Variants in KCNH5 observed in about 807,000 individuals in gnomAD.
KCNH5 encodes potassium voltage-gated channel subfamily H member 5.
Under a neutral mutation model 96.1 loss-of-function variants are expected in KCNH5, and 46 were observed. That is an observed-to-expected ratio of 0.48 (90% CI 0.38 to 0.61). The LOEUF is 0.61. KCNH5 is among the 20% of genes least tolerant of loss of function. KCNH5 has a pLI of 0.00. For synonymous variants in KCNH5, 439 were observed against 449.8 expected (o/e 0.98, Z 0.30); for missense variants, 907 against 1,225.8 (o/e 0.74, Z 3.88).
chr14:62,900,981 T>TTTTTGTTTTG (rs200341541), intron 7 of KCNH5, among the ~76,000 whole-genome samples: 2 of 152,140 alleles, frequency 1.3e-5, no homozygotes, highest in African/African-American at 4.8e-5. Context: ...GCTTCCTATC[T>TTTTTGTTTTG]TTTTGTTTTG....
rs546761572 is a variant in KCNH5, at chr14:63,011,062, G to C, written c.198-4590C>G. Among the ~76,000 whole-genome samples, 18 of 152,302 alleles carry C rather than the reference G, an allele frequency of 1.2e-4. No individual in the cohort carries two copies. The South Asian group carries it at 3.5e-3, about 30-fold the overall frequency. On this transcript the variant is annotated intron_variant, in intron 2 of 10. Transcript: ENST00000322893. ...ACGCAGTTGGTAAATGTGGTCTCCA[G>C]CTCAGAAGTGGCCACAACCATAGAA... is the stretch of plus-strand genomic sequence containing the variant.
intron 1 of KCNH5, among the ~76,000 whole-genome samples, chr14:63,026,334 C>A (rs1891524062): frequency 6.6e-6 from 1 of 151,954 alleles, no homozygotes; most frequent in Non-Finnish European, 1.5e-5. Context: ...ACTTCAATAG[C>A]ACAGGTAACT....
intron 1 of KCNH5, among the ~76,000 whole-genome samples, chr14:63,029,181 C>G (rs1422535925): frequency 1.3e-5 from 2 of 152,122 alleles, no homozygotes; most frequent in African/African-American, 4.8e-5. Flanking sequence ...AGACATGGTG[C>G]TAAGTCTACT....
chr14:63,035,746 T>C (rs1415061839), intron 1 of KCNH5, among the ~76,000 whole-genome samples: 1 of 152,196 alleles, frequency 6.6e-6, no homozygotes. Flanking sequence ...TCCACCAGTT[T>C]CTGCTGGGAA....
At chr14:62,785,398 C>CTTTTGT (rs1422456710) in intron 9 of KCNH5, among the ~76,000 whole-genome samples, 1 of 152,158 alleles carries the variant, frequency 6.6e-6, no homozygotes, top group African/African-American at 2.4e-5. Flanking sequence ...CTTTACTGTA[C>CTTTTGT]AAAAGATTTT....
chr14:62,808,188 A>G (rs750275088), intron 8 of KCNH5, among the ~76,000 whole-genome samples: 1 of 152,154 alleles, frequency 6.6e-6, no homozygotes, highest in Non-Finnish European at 1.5e-5. Context: ...AGTGGAATGG[A>G]CTTTTGGTAA....
chr14:62,934,753 T>C (rs1179535580), intron 7 of KCNH5, among the ~76,000 whole-genome samples: 6 of 152,282 alleles, frequency 3.9e-5, no homozygotes, highest in South Asian at 2.1e-4. Flanking sequence ...CTTAAAAGCA[T>C]AGATTTCCTT....
chr14:63,042,434 C>A (rs1891842330), intron 1 of KCNH5, among the ~76,000 whole-genome samples: 2 of 151,960 alleles, frequency 1.3e-5, no homozygotes, highest in African/African-American at 4.8e-5. Context: ...TAAGATCTGA[C>A]CTTTTCATAA....
At chr14:63,041,329 T>C (rs1268696996) in intron 1 of KCNH5, among the ~76,000 whole-genome samples, 1 of 152,150 alleles carries the variant, frequency 6.6e-6, no homozygotes, top group Non-Finnish European at 1.5e-5. Flanking sequence ...ATTAATAGTT[T>C]GCATAAATAA....
At chr14:62,957,708 C>T (rs1890131015) in intron 6 of KCNH5, among the ~76,000 whole-genome samples, 1 of 152,182 alleles carries the variant, frequency 6.6e-6, no homozygotes, top group African/African-American at 2.4e-5. Context: ...TGGAAGCCAG[C>T]CCAGCTGCCA....
chr14:62,940,157 T>C lies in KCNH5; in HGVS notation c.1369+9976A>G, dbSNP rs146277736. Among the ~76,000 whole-genome samples the C allele has an allele frequency of 6.3e-4, 96 of 152,274 alleles. 1 individual carries two copies. The highest frequency in any genetic ancestry group is 2.1e-3 in the African/African-American group (89 of 41,560). ...ACAAACCATGAAACCACAGACCACGTGCCAAATCTGATCTGCCACCTGCTT... is the reference window on the plus strand; with the variant it reads ...ACAAACCATGAAACCACAGACCACGCGCCAAATCTGATCTGCCACCTGCTT... On this transcript the variant is annotated intron_variant, in intron 7 of 10. Transcript: ENST00000322893.
intron 10 of KCNH5, among the ~76,000 whole-genome samples, chr14:62,748,466 C>G (rs1024824881): frequency 3.3e-5 from 5 of 152,056 alleles, no homozygotes; most frequent in African/African-American, 9.7e-5. Flanking sequence ...GAATGCCTAC[C>G]TTTCTGAAGA....
chr14:62,712,797 C>T (rs1047354458), intron 10 of KCNH5: 10 of 727,192 alleles, frequency 1.4e-5, no homozygotes, highest in East Asian at 7.8e-5. Flanking sequence ...GAGCTTTGTG[C>T]GAGGCAGTCT....
chr14:62,868,773 G>C (rs149899074), intron 7 of KCNH5, among the ~76,000 whole-genome samples: 1 of 152,084 alleles, frequency 6.6e-6, no homozygotes, highest in Non-Finnish European at 1.5e-5. Flanking sequence ...ACTTAAGAGC[G>C]AGAACATGCA....
chr14:62,938,352 T>A (rs560129049), intron 7 of KCNH5, among the ~76,000 whole-genome samples: 1 of 152,252 alleles, frequency 6.6e-6, no homozygotes, highest in African/African-American at 2.4e-5. Flanking sequence ...GCCTGGTACC[T>A]AACCTTCCAG....
chr14:62,975,006 TC>T (rs1447363975), intron 6 of KCNH5, among the ~76,000 whole-genome samples: 1 of 152,160 alleles, frequency 6.6e-6, no homozygotes, highest in Non-Finnish European at 1.5e-5. Flanking sequence ...GTATCCCTTT[TC>T]CCATTTATTC....
rs1884326595 is a variant in KCNH5 at position 62,700,223 on chromosome 14, C to G, written c.*7285G>C. On this transcript the variant is annotated 3_prime_UTR_variant, in exon 11 of 11. Transcript: ENST00000322893. ...CTGCACATTTTGTGTTGTTTGAGTACCAAGCACTTCTAAAAGTCATTGCTC... is the reference window on the plus strand; with the variant it reads ...CTGCACATTTTGTGTTGTTTGAGTAGCAAGCACTTCTAAAAGTCATTGCTC... The G allele has an allele frequency of 6.6e-6, 1 of 152,082 alleles. No homozygotes were observed. The highest frequency in any genetic ancestry group is 1.5e-5 in the Non-Finnish European group (1 of 68,012). 9.4% of individuals were successfully genotyped at this position (152,082 alleles called of 1,614,324 possible).
intron 7 of KCNH5, among the ~76,000 whole-genome samples, chr14:62,887,495 A>G (rs1888620956): frequency 6.6e-6 from 1 of 152,182 alleles, no homozygotes; most frequent in South Asian, 2.1e-4. Flanking sequence ...TCATTTGTGT[A>G]TATTTAACAA....
intron 1 of KCNH5, among the ~76,000 whole-genome samples, chr14:63,022,363 C>T (rs1440635092): frequency 2.0e-5 from 3 of 152,188 alleles, no homozygotes; most frequent in African/African-American, 7.2e-5. Context: ...CTCCCCTAGA[C>T]TACTCAGGTA....
Sources: gnomAD v4.1 joint callset for allele counts (sites outside exome capture counted in the v4.1 genomes callset) on GRCh38, gnomAD v4.1.1 for gene constraint, MANE v1.5 for transcripts, NCBI Gene and HGNC (gene_info 2026-07-23, HGNC 2026-07-21) for gene names.